The following FAT3 variants were observed in gnomAD, a reference collection of about 807,000 sequenced individuals.
FAT3 encodes the protein protocadherin Fat 3.
Under a neutral mutation model 310.2 loss-of-function variants are expected in FAT3, and 95 were observed. The ratio of observed to expected loss-of-function variants is 0.31; its 90% CI spans 0.26 to 0.36. The LOEUF (loss-of-function observed/expected upper bound fraction) is 0.36. Ranked by LOEUF, FAT3 falls within the 10% of genes least tolerant of loss-of-function variation. FAT3 has a pLI of 1.00. For synonymous variants in FAT3, 2,314 were observed against 2,192.9 expected, an observed-to-expected ratio of 1.06 and a Z score of -1.54; for missense variants, 5,408 against 5,715.6, an observed-to-expected ratio of 0.95 and a Z score of 1.74.
intron 3 of FAT3, among the ~76,000 whole-genome samples, chr11:92,641,546 G>A (rs1056545049): frequency 2.4e-4 from 36 of 152,188 alleles, no homozygotes; most frequent in Admixed American, 1.0e-3. Context: ...TTGAGGCTGC[G>A]TCACTCCAAT....
intron 1 of FAT3, among the ~76,000 whole-genome samples, chr11:92,323,799 A>G (rs553443034): frequency 6.1e-4 from 93 of 152,226 alleles, no homozygotes; most frequent in African/African-American, 2.2e-3. Context: ...TCAGCCCCTA[A>G]CAAGAGAGTT....
chr11:92,359,304 A>G (rs1014676878), intron 2 of FAT3, among the ~76,000 whole-genome samples: 2 of 152,118 alleles, frequency 1.3e-5, no homozygotes, highest in African/African-American at 4.8e-5. Flanking sequence ...TTTCTAGTCA[A>G]ATTTTACAAT....
intron 2 of FAT3, among the ~76,000 whole-genome samples, chr11:92,487,637 G>A (rs1201435416): frequency 1.3e-5 from 2 of 152,196 alleles, no homozygotes; most frequent in African/African-American, 4.8e-5. Flanking sequence ...AAAGCATAAG[G>A]TTAAGTAACT....
chr11:92,559,945 A>T (rs918543527), intron 3 of FAT3, among the ~76,000 whole-genome samples: 1 of 152,160 alleles, frequency 6.6e-6, no homozygotes, highest in Non-Finnish European at 1.5e-5. Context: ...ATAGATATAT[A>T]TTTTCACTTT....
chr11:92,604,626 C>T (rs957342278), intron 3 of FAT3, among the ~76,000 whole-genome samples: 4 of 152,178 alleles, frequency 2.6e-5, no homozygotes, highest in Admixed American at 1.3e-4. Flanking sequence ...ACACATCCTG[C>T]GTCACCTTAC....
intron 1 of FAT3, among the ~76,000 whole-genome samples, chr11:92,305,461 T>C (rs1947094773): frequency 6.6e-6 from 1 of 152,082 alleles, no homozygotes; most frequent in Non-Finnish European, 1.5e-5. Flanking sequence ...AAAAGTATGA[T>C]GAAACAGGAT....
At chr11:92,244,097 G>A (rs943635131) in intron 1 of FAT3, among the ~76,000 whole-genome samples, 1 of 152,008 alleles carries the variant, frequency 6.6e-6, no homozygotes, top group Non-Finnish European at 1.5e-5. Context: ...ATTTAGAAGA[G>A]AACTTTGAAG....
chr11:92,501,289 T>A, intron 2 of FAT3, among the ~76,000 whole-genome samples: 1 of 152,078 alleles, frequency 6.6e-6, no homozygotes, highest in East Asian at 1.9e-4. Context: ...TTGCAGAGAA[T>A]TTCCCAGGCA....
intron 1 of FAT3, among the ~76,000 whole-genome samples, chr11:92,322,788 C>T (rs367833561): frequency 3.4e-4 from 51 of 152,164 alleles, no homozygotes; most frequent in African/African-American, 1.1e-3. Flanking sequence ...CTTCAGGTTC[C>T]ACTTGTGATT....
At chr11:92,296,692 G>A (rs772517110) in intron 1 of FAT3, among the ~76,000 whole-genome samples, 1 of 152,082 alleles carries the variant, frequency 6.6e-6, no homozygotes, top group Non-Finnish European at 1.5e-5. Flanking sequence ...AAAAGGCTCA[G>A]CGCGAAATGG....
At chr11:92,237,199 G>A (rs1476255763) in intron 1 of FAT3, among the ~76,000 whole-genome samples, 1 of 152,150 alleles carries the variant, frequency 6.6e-6, no homozygotes, top group Non-Finnish European at 1.5e-5. Flanking sequence ...GTAATTGAGA[G>A]TAATTAAAAA....
chr11:92,313,475 C>A (rs891394715), intron 1 of FAT3, among the ~76,000 whole-genome samples: 2 of 152,124 alleles, frequency 1.3e-5, no homozygotes, highest in African/African-American at 4.8e-5. Flanking sequence ...ACTGTGCTAC[C>A]ATTTTTATTA....
At chr11:92,330,327 T>G (rs570617713) in intron 1 of FAT3, among the ~76,000 whole-genome samples, 2 of 152,254 alleles carry the variant, frequency 1.3e-5, no homozygotes, top group Non-Finnish European at 2.9e-5. Context: ...CCTCTCTGCT[T>G]TATTCATGTC....
chr11:92,733,491 T>C (rs961524800), intron 4 of FAT3, among the ~76,000 whole-genome samples: 1 of 151,848 alleles, frequency 6.6e-6, no homozygotes, highest in Admixed American at 6.6e-5. Context: ...AGATATGAGA[T>C]TGTGACTTAG....
chr11:92,754,184 A>G (rs565455510), intron 4 of FAT3, among the ~76,000 whole-genome samples: 150 of 152,256 alleles, frequency 9.9e-4, no homozygotes, highest in African/African-American at 3.5e-3. Flanking sequence ...TTTCCTATAT[A>G]AAAACAAGAA....
At position 92,829,729 on chromosome 11, in the gene FAT3, A is replaced by C. The variant is rs558455488; in HGVS notation, c.9482-1893A>C. Among the ~76,000 whole-genome samples, 18 of 152,346 alleles carry C rather than the reference A, an allele frequency of 1.2e-4. No homozygotes were observed. In the South Asian group the frequency reaches 3.7e-3, roughly 32 times the overall value. The stretch of plus-strand genomic sequence containing the variant: ...TTAATCCCAGCATCAATAAAATCAC[A>C]GGTTGATGTGTATACATCACAGGGC... On this transcript the variant is annotated intron_variant, in intron 13 of 27. Transcript: ENST00000525166.
chr11:92,357,586 C>G (rs562479838), intron 2 of FAT3, among the ~76,000 whole-genome samples: 58 of 152,202 alleles, frequency 3.8e-4, no homozygotes, highest in African/African-American at 1.3e-3. Flanking sequence ...AGCTTTGAGA[C>G]TCAGGTAAAT....
At chr11:92,606,554 T>C (rs1270951179) in intron 3 of FAT3, among the ~76,000 whole-genome samples, 1 of 152,182 alleles carries the variant, frequency 6.6e-6, no homozygotes, top group African/African-American at 2.4e-5. Flanking sequence ...TTGCTGAAGA[T>C]GGTAATAGCA....
At chr11:92,649,893 A>ATATG (rs1555110368) in intron 3 of FAT3, among the ~76,000 whole-genome samples, 1 of 60,852 alleles carries the variant, frequency 1.6e-5, no homozygotes, top group Non-Finnish European at 3.8e-5. Context: ...ATATATATAT[A>ATATG]TATATATATA....
Sources: gnomAD v4.1 joint callset for allele counts (sites outside exome capture counted in the v4.1 genomes callset) on GRCh38, gnomAD v4.1.1 for gene constraint, MANE v1.5 for transcripts, NCBI Gene and HGNC (gene_info 2026-07-23, HGNC 2026-07-21) for gene names.